The following CNGB3 variants were observed in gnomAD, a reference collection of about 807,000 sequenced individuals.
CNGB3 encodes cyclic nucleotide-gated channel beta-3.
CNGB3 carries 86 observed loss-of-function variants against 92.8 expected under a neutral mutation model. That is an observed-to-expected ratio of 0.93 (90% CI 0.78 to 1.11). The LOEUF is 1.11. Among genes scored for constraint, CNGB3 ranks in the 50% least tolerant of loss-of-function variants. The probability of loss-of-function intolerance (pLI) is 0.00; values close to 1 mark genes in which losing one functional copy is unlikely to be tolerated. For synonymous variants in CNGB3, 333 were observed against 332.7 expected (o/e 1.00, Z -0.01); for missense variants, 1,026 against 956.8 (o/e 1.07, Z -0.95).
intron 7 of CNGB3, among the ~76,000 whole-genome samples, chr8:86,648,610 A>T (rs538458268): frequency 2.6e-5 from 4 of 151,372 alleles, no homozygotes; most frequent in African/African-American, 9.6e-5. Context: ...ACAATGTCAT[A>T]CTTCATACTT....
intron 13 of CNGB3, among the ~76,000 whole-genome samples, chr8:86,618,204 A>C (rs533977801): frequency 5.3e-5 from 8 of 152,210 alleles, no homozygotes; most frequent in Non-Finnish European, 1.2e-4. Flanking sequence ...TTGTAAATAC[A>C]GATGAAGCTG....
At chr8:86,711,816 A>ACTCTCT (rs200870640) in intron 3 of CNGB3, among the ~76,000 whole-genome samples, 1 of 143,612 alleles carries the variant, frequency 7.0e-6, no homozygotes, top group East Asian at 2.0e-4. Context: ...GTAGTTTACC[A>ACTCTCT]CTCTCTCTCT....
chr8:86,729,275 T>C (rs1825120147), intron 2 of CNGB3, among the ~76,000 whole-genome samples: 1 of 152,222 alleles, frequency 6.6e-6, no homozygotes, highest in South Asian at 2.1e-4. Context: ...AGCTACAGCA[T>C]ATGTATTGCA....
intron 17 of CNGB3, among the ~76,000 whole-genome samples, chr8:86,577,459 A>C (rs530862891): frequency 1.3e-5 from 2 of 152,170 alleles, no homozygotes; most frequent in Non-Finnish European, 2.9e-5. Context: ...ATTTTTATTC[A>C]TGTAGTTTTG....
intron 3 of CNGB3, among the ~76,000 whole-genome samples, chr8:86,694,902 C>T (rs4609208): frequency 6.6e-6 from 1 of 151,808 alleles, no homozygotes; most frequent in South Asian, 2.1e-4. Flanking sequence ...CGGGGTGGCG[C>T]CCGGGCAGAG....
At chr8:86,607,706 T>C (rs1822437876) in intron 14 of CNGB3, among the ~76,000 whole-genome samples, 1 of 152,164 alleles carries the variant, frequency 6.6e-6, no homozygotes. Flanking sequence ...ATAGAGCATC[T>C]GAAGAAAACT....
intron 3 of CNGB3, among the ~76,000 whole-genome samples, chr8:86,702,787 T>C (rs1824578274): frequency 6.6e-6 from 1 of 151,944 alleles, no homozygotes; most frequent in Non-Finnish European, 1.5e-5. Flanking sequence ...TCATATTCTT[T>C]TTTAAAAAAA....
chr8:86,714,469 T>C (rs1261667187), intron 3 of CNGB3, among the ~76,000 whole-genome samples: 1 of 152,158 alleles, frequency 6.6e-6, no homozygotes, highest in Non-Finnish European at 1.5e-5. Flanking sequence ...GCTAGAAATA[T>C]GTTAGCAATA....
At chr8:86,723,740 C>G (rs546257912) in intron 3 of CNGB3, among the ~76,000 whole-genome samples, 41 of 152,288 alleles carry the variant, frequency 2.7e-4, no homozygotes, top group African/African-American at 9.1e-4. Context: ...AACATGTGAA[C>G]AACCATCTAA....
chr8:86,592,793 T>G (rs891186037), intron 15 of CNGB3, among the ~76,000 whole-genome samples: 1 of 152,214 alleles, frequency 6.6e-6, no homozygotes, highest in Admixed American at 6.5e-5. Context: ...TTTGTTCTCA[T>G]TAAGGAAATT....
intron 2 of CNGB3, among the ~76,000 whole-genome samples, chr8:86,735,030 CA>C (rs550429796): frequency 2.8e-4 from 34 of 120,682 alleles, no homozygotes; most frequent in African/African-American, 1.0e-3. Context: ...GTCAAATTCT[CA>C]AATGCCGGTG....
intron 15 of CNGB3, among the ~76,000 whole-genome samples, chr8:86,586,715 T>A (rs1821901895): frequency 6.6e-6 from 1 of 150,694 alleles, no homozygotes; most frequent in South Asian, 2.1e-4. Context: ...ATGTGCCATA[T>A]TTTCTTAATC....
chr8:86,607,542 G>A (rs148023354), intron 14 of CNGB3, among the ~76,000 whole-genome samples: 3,078 of 152,262 alleles, frequency 0.02, 58 homozygotes, highest in Non-Finnish European at 0.032. Context: ...TGGTTCCTGG[G>A]TCAGCAGCAT....
intron 15 of CNGB3, among the ~76,000 whole-genome samples, chr8:86,597,126 C>T (rs145258063): frequency 3.1e-4 from 47 of 152,266 alleles, no homozygotes; most frequent in African/African-American, 1.1e-3. Flanking sequence ...ACCTATGTAA[C>T]AAACCTGCAT....
At chr8:86,653,581 T>A (rs1387243682) in intron 7 of CNGB3, among the ~76,000 whole-genome samples, 1 of 152,170 alleles carries the variant, frequency 6.6e-6, no homozygotes, top group Non-Finnish European at 1.5e-5. Flanking sequence ...AAAGGAACGT[T>A]CCATGTTATC....
At chr8:86,632,327 A>T (rs927089900) in intron 11 of CNGB3, among the ~76,000 whole-genome samples, 1 of 152,156 alleles carries the variant, frequency 6.6e-6, no homozygotes, top group Non-Finnish European at 1.5e-5. Context: ...ATGCTATAGT[A>T]AACATTTGTG....
chr8:86,701,179 GCAC>G (rs2131646974), intron 3 of CNGB3, among the ~76,000 whole-genome samples: 1 of 152,068 alleles, frequency 6.6e-6, no homozygotes, highest in South Asian at 2.1e-4. Flanking sequence ...TAAAATTTAT[GCAC>G]ATAGTAACTA....
At chr8:86,593,291 T>C (rs1471811418) in intron 15 of CNGB3, among the ~76,000 whole-genome samples, 1 of 152,188 alleles carries the variant, frequency 6.6e-6, no homozygotes, top group Admixed American at 6.5e-5. Flanking sequence ...GTGGACTCTT[T>C]ATTCCATGCT....
chr8:86,659,245 A>T (rs1823582565), intron 6 of CNGB3: 1 of 760,566 alleles, frequency 1.3e-6, no homozygotes, highest in South Asian at 1.4e-5. Flanking sequence ...TTTTCAGTAT[A>T]TTGGTCTTTC....
Sources: allele counts gnomAD v4.1 joint callset (sites outside exome capture counted in the v4.1 genomes callset), GRCh38; gene constraint gnomAD v4.1.1; transcripts MANE v1.5; gene names NCBI Gene and HGNC (gene_info 2026-07-23, HGNC 2026-07-21).